AFG2A: variants seen among roughly 807,000 people sequenced by gnomAD.
AFG2A encodes AAA ATPase AFG2A, also known as ATPase family gene 2 protein homolog A.
the AFG2A span, among the ~76,000 whole-genome samples, chr4:123,079,925 A>G: frequency 6.6e-6 from 1 of 151,150 alleles, no homozygotes; most frequent in Non-Finnish European, 1.5e-5. Context: ...AATTTTTTGT[A>G]TTTTTAGTAG....
chr4:123,062,878 A>C, the AFG2A span, among the ~76,000 whole-genome samples: 1 of 152,214 alleles, frequency 6.6e-6, no homozygotes, highest in East Asian at 1.9e-4. Flanking sequence ...TTCTGGTCAT[A>C]ATTTATCAAG....
At chr4:123,203,129 C>A in the AFG2A span, among the ~76,000 whole-genome samples, 1 of 151,838 alleles carries the variant, frequency 6.6e-6, no homozygotes, top group Non-Finnish European at 1.5e-5. Flanking sequence ...TTAGATCTAG[C>A]CAAGCTGTAT....
chr4:122,971,479 G>C, the AFG2A span, among the ~76,000 whole-genome samples: 1 of 152,138 alleles, frequency 6.6e-6, no homozygotes, highest in African/African-American at 2.4e-5. Flanking sequence ...TATCAATTAT[G>C]TTATAGTTTT....
the AFG2A span, among the ~76,000 whole-genome samples, chr4:123,031,640 C>A: frequency 6.6e-6 from 1 of 152,300 alleles, no homozygotes; most frequent in African/African-American, 2.4e-5. Flanking sequence ...CACTAGAATT[C>A]TCTAGCCAGT....
the AFG2A span, among the ~76,000 whole-genome samples, chr4:123,136,407 C>G: frequency 1.3e-5 from 2 of 151,270 alleles, no homozygotes; most frequent in Non-Finnish European, 3.0e-5. Context: ...GGTGGCTCAC[C>G]CCTATAATCC....
At chr4:123,067,727 A>G in the AFG2A span, among the ~76,000 whole-genome samples, 2 of 152,170 alleles carry the variant, frequency 1.3e-5, no homozygotes, top group Non-Finnish European at 1.5e-5. Context: ...TTAGTACTGG[A>G]AAATAGAATC....
the AFG2A span, among the ~76,000 whole-genome samples, chr4:123,016,434 C>T: frequency 2.1e-5 from 3 of 146,210 alleles, no homozygotes; most frequent in African/African-American, 5.1e-5. Flanking sequence ...CGCTCCTCAC[C>T]TCCCAGACGG....
At chr4:122,955,094 A>G in the AFG2A span, among the ~76,000 whole-genome samples, 1 of 152,210 alleles carries the variant, frequency 6.6e-6, no homozygotes, top group South Asian at 2.1e-4. Flanking sequence ...TCAAGAGGCA[A>G]AAGAGACCTG....
At chr4:123,195,010 C>T in the AFG2A span, among the ~76,000 whole-genome samples, 33 of 152,280 alleles carry the variant, frequency 2.2e-4, no homozygotes, top group Middle Eastern at 3.4e-3. Flanking sequence ...TTTCCTCATT[C>T]GTTCATTCAT....
chr4:123,154,335 C>T, the AFG2A span, among the ~76,000 whole-genome samples: 1 of 151,732 alleles, frequency 6.6e-6, no homozygotes, highest in African/African-American at 2.4e-5. Context: ...GACAATATTG[C>T]CACAGATGAC....
the AFG2A span, among the ~76,000 whole-genome samples, chr4:123,013,667 A>T: frequency 6.6e-6 from 1 of 152,112 alleles, no homozygotes; most frequent in Non-Finnish European, 1.5e-5. Context: ...AACCTAGATG[A>T]TGGGTTGGTA....
the AFG2A span, chr4:123,090,624 C>A: frequency 6.2e-7 from 1 of 1,614,154 alleles, no homozygotes; most frequent in Admixed American, 1.7e-5. Flanking sequence ...TGGCTCAGCT[C>A]TTAACAGAAA....
the AFG2A span, among the ~76,000 whole-genome samples, chr4:123,277,015 A>C: frequency 6.6e-6 from 1 of 152,138 alleles, no homozygotes; most frequent in Non-Finnish European, 1.5e-5. Context: ...TAATTCTGTG[A>C]AGAATGTCAT....
At chr4:122,975,088 C>T in the AFG2A span, among the ~76,000 whole-genome samples, 1 of 152,178 alleles carries the variant, frequency 6.6e-6, no homozygotes, top group African/African-American at 2.4e-5. Flanking sequence ...GTTTCTGCTG[C>T]TATAACAAAA....
chr4:123,157,338 TTCA>T, the AFG2A span, among the ~76,000 whole-genome samples: 20 of 152,094 alleles, frequency 1.3e-4, no homozygotes, highest in African/African-American at 4.6e-4. Flanking sequence ...CAAGCTTTTA[TTCA>T]TCATAACCAT....
the AFG2A span, among the ~76,000 whole-genome samples, chr4:122,983,906 G>A: frequency 1.3e-5 from 2 of 152,148 alleles, no homozygotes; most frequent in South Asian, 2.1e-4. Context: ...TAGGCTCACA[G>A]GAAGACACAT....
the AFG2A span, among the ~76,000 whole-genome samples, chr4:123,310,593 C>T: frequency 2.0e-5 from 3 of 152,162 alleles, no homozygotes; most frequent in Non-Finnish European, 4.4e-5. Flanking sequence ...CGGCATTTAC[C>T]TTACATGCAT....
chr4:123,039,616 G>A, the AFG2A span, among the ~76,000 whole-genome samples: 3 of 151,718 alleles, frequency 2.0e-5, no homozygotes, highest in Non-Finnish European at 4.4e-5. Flanking sequence ...TTTATATTAT[G>A]TTATGAATAG....
chr4:123,125,783 A>G, the AFG2A span, among the ~76,000 whole-genome samples: 3 of 152,190 alleles, frequency 2.0e-5, no homozygotes, highest in African/African-American at 4.8e-5. Flanking sequence ...AATCCAGTCC[A>G]GCCTCCGGTT....
Sources: allele counts gnomAD v4.1 joint callset (sites outside exome capture counted in the v4.1 genomes callset), GRCh38; gene constraint gnomAD v4.1.1; transcripts MANE v1.5; gene names NCBI Gene and HGNC (gene_info 2026-07-23, HGNC 2026-07-21).